Variants in FRRS1 observed in about 807,000 individuals in gnomAD.
The protein encoded by FRRS1 is ferric reductase 1.
FRRS1 carries 51 observed loss-of-function variants against 70.7 expected under a neutral mutation model. That is an observed-to-expected ratio of 0.72 (90% CI 0.58 to 0.91). The LOEUF is 0.91. Among genes scored for constraint, FRRS1 ranks in the 40% least tolerant of loss-of-function variants. The pLI, the probability that FRRS1 is intolerant of heterozygous loss-of-function variation, is 0.00. For missense variants in FRRS1, 672 were observed against 726.0 expected (o/e 0.93, Z 0.86); for synonymous variants, 225 against 238.7 (o/e 0.94, Z 0.53).
rs561065886 is a variant in FRRS1, at chr1:99,754,611, T to C, written c.-105-5610A>G. Among the ~76,000 whole-genome samples, 8 of 152,292 alleles carry C rather than the reference T, an allele frequency of 5.3e-5. No individual in the cohort carries two copies. In the South Asian group the frequency reaches 1.5e-3, roughly 28 times the overall value. On this transcript the variant is annotated intron_variant, in intron 1 of 16. Transcript: ENST00000646001. ...GTCAACTGGATATAATGGATATCCA[T>C]AGACTATTTCATCCAACAACAGAAT... is the stretch of plus-strand genomic sequence containing the variant.
intron 9 of FRRS1, among the ~76,000 whole-genome samples, chr1:99,723,489 C>A (rs755613067): frequency 1.3e-5 from 2 of 152,086 alleles, no homozygotes; most frequent in Non-Finnish European, 2.9e-5. Flanking sequence ...GCACTCCAGC[C>A]TGGGCAACAG....
chr1:99,733,333 C>T (rs2095785), intron 7 of FRRS1, among the ~76,000 whole-genome samples: 75,158 of 152,098 alleles, frequency 0.49, 22,570 homozygotes, highest in African/African-American at 0.85. Flanking sequence ...GAAAGAGGTA[C>T]GTCAAAGATA....
intron 14 of FRRS1, among the ~76,000 whole-genome samples, chr1:99,711,166 C>A (rs921478687): frequency 1.3e-5 from 2 of 152,040 alleles, no homozygotes; most frequent in Non-Finnish European, 2.9e-5. Flanking sequence ...TTGTGGGGGG[C>A]GGTTTAGGGC....
intron 7 of FRRS1, among the ~76,000 whole-genome samples, chr1:99,733,463 AG>A (rs1655494897): frequency 6.6e-6 from 1 of 152,360 alleles, no homozygotes; most frequent in South Asian, 2.1e-4. Flanking sequence ...AATGCATGAA[AG>A]TATGAATGGA....
In FRRS1 at chr1:99,719,573, T is replaced by C. The variant is rs1209586506; in HGVS notation, c.1081A>G (p.Ile361Val). Residue 361 changes from isoleucine to valine, a missense_variant, in exon 10 of 17, where the codon ATA (isoleucine) becomes GTA (valine). Physicochemically the swap from Ile to Val is conservative, Grantham distance 29. Transcript: ENST00000646001. ...KYDVTDSPKN[I>V]GGSHSVLLLK... ...AGGAGTACAGAATGGGATCCTCCTA[T>C]GTTCTTTGGAGAGTCTGTCACATCA... The C allele has an allele frequency of 1.2e-6, 2 of 1,610,206 alleles. No individual in the cohort carries two copies. Among genetic ancestry groups the C allele is most frequent in the Non-Finnish European group, 8.5e-7 (1 of 1,176,610 alleles).
intron 1 of FRRS1, among the ~76,000 whole-genome samples, chr1:99,754,271 G>C (rs1656717109): frequency 6.6e-6 from 1 of 152,196 alleles, no homozygotes; most frequent in Admixed American, 6.5e-5. Flanking sequence ...TTCGAGACCA[G>C]CCTAGGCAAC....
intron 9 of FRRS1, among the ~76,000 whole-genome samples, chr1:99,723,327 G>C (rs966536474): frequency 9.2e-5 from 14 of 152,078 alleles, no homozygotes; most frequent in African/African-American, 3.4e-4. Flanking sequence ...AACAGCCTGG[G>C]CAACATGACG....
intron 1 of FRRS1, among the ~76,000 whole-genome samples, chr1:99,754,495 G>A (rs75846221): frequency 8.9e-6 from 1 of 112,846 alleles, no homozygotes; most frequent in Non-Finnish European, 1.8e-5. Context: ...CAAAGAGAGA[G>A]AGAGAGAGAG....
At position 99,709,023 on chromosome 1, in the gene FRRS1, C is replaced by T. The variant is rs756799060; in HGVS notation, c.*5G>A. The T allele has an allele frequency of 8.1e-6, 13 of 1,613,864 alleles. No individual in the cohort carries two copies. In the South Asian group the frequency reaches 1.4e-4, roughly 18 times the overall value. On this transcript the variant is annotated 3_prime_UTR_variant, in exon 17 of 17. Transcript: ENST00000646001. ...TGGCCTGCAAAAGCCAAGGTCTTTGCTTGCTCATAGATGGTTGATTGCAGA... is the reference window on the plus strand; with the variant it reads ...TGGCCTGCAAAAGCCAAGGTCTTTGTTTGCTCATAGATGGTTGATTGCAGA...
intron 1 of FRRS1, among the ~76,000 whole-genome samples, chr1:99,750,182 G>T (rs776069674): frequency 6.6e-6 from 1 of 152,218 alleles, no homozygotes; most frequent in Non-Finnish European, 1.5e-5. Context: ...ACCTTGAAGC[G>T]GTTGTGAAGT....
At chr1:99,745,680 T>C (rs1420991781) in intron 4 of FRRS1, among the ~76,000 whole-genome samples, 1 of 150,682 alleles carries the variant, frequency 6.6e-6, no homozygotes, top group Non-Finnish European at 1.5e-5. Flanking sequence ...CGAGACTCTG[T>C]CTCTAAATAA....
At chr1:99,739,883 T>TC (rs1655869199) in intron 6 of FRRS1, among the ~76,000 whole-genome samples, 1 of 151,960 alleles carries the variant, frequency 6.6e-6, no homozygotes, top group East Asian at 1.9e-4. Flanking sequence ...TCAACACGTT[T>TC]TTTTTTTATT....
At chr1:99,737,084 T>A (rs1356064354) in intron 7 of FRRS1, among the ~76,000 whole-genome samples, 2 of 152,042 alleles carry the variant, frequency 1.3e-5, no homozygotes, top group Non-Finnish European at 2.9e-5. Flanking sequence ...TTTCTGGTCA[T>A]CCCTATGCCC....
intron 6 of FRRS1, among the ~76,000 whole-genome samples, chr1:99,739,813 G>A (rs538779856): frequency 1.3e-5 from 2 of 151,848 alleles, no homozygotes; most frequent in East Asian, 3.9e-4. Context: ...AAAGACACAC[G>A]AAAATTAGGC....
chr1:99,736,939 T>C (rs1212201166), intron 7 of FRRS1, among the ~76,000 whole-genome samples: 1 of 152,126 alleles, frequency 6.6e-6, no homozygotes, highest in African/African-American at 2.4e-5. Flanking sequence ...CATTAGTTTT[T>C]CTATTACAGC....
Position 99,710,897 on chromosome 1 carries a change from T to A in FRRS1, c.1533A>T (p.Ser511=). 6.2e-7 allele frequency: 1 copy of A among 1,614,026 alleles called. No homozygotes were observed. The highest frequency in any genetic ancestry group is 1.1e-5 in the South Asian group (1 of 91,052). Residue 511 remains serine (S), a synonymous_variant, in exon 15 of 17, where the codon TCA becomes TCT. Transcript: ENST00000646001. ...ATCCGGTCATTGCATAGGTTTTCCA[T>A]GAATCAGGAAGATTCAGTCCTGGTA... ...MDLPGLNLPD[S]WKTYAMTGFV...
Position 99,764,964 on chromosome 1 carries a change from T to C in FRRS1, c.-106+1643A>G, listed in dbSNP as rs1483167596. ...TGTTTTTCTGCCACATTTGGTGACT[T>C]GTCTTTTGGTAAACCTCTGGATATC... On this transcript the variant is annotated intron_variant, in intron 1 of 16. Transcript: ENST00000646001. 2.6e-5 allele frequency among the ~76,000 whole-genome samples: 4 copies of C among 152,242 alleles called. No individual in the cohort carries two copies. In the South Asian group the frequency reaches 6.2e-4, roughly 24 times the overall value.
In FRRS1 at chr1:99,708,475, G is replaced by A. The variant is rs1654099975; in HGVS notation, c.*553C>T. ...TAGCCCGGCATGGTGGCGGGCACCT[G>A]TAGTCCCAGCTACTCAGGAGGCTGA... On this transcript the variant is annotated 3_prime_UTR_variant, in exon 17 of 17. Coordinates refer to ENST00000646001, the MANE Select transcript of FRRS1 (RefSeq NM_001361041.2). 6.7e-6 allele frequency among the ~76,000 whole-genome samples: 1 copy of A among 150,072 alleles called. No individual in the cohort carries two copies. Among genetic ancestry groups the A allele is most frequent in the Non-Finnish European group, 1.5e-5 (1 of 67,346 alleles).
intron 4 of FRRS1, among the ~76,000 whole-genome samples, chr1:99,743,005 G>GA (rs375715463): frequency 1.0e-3 from 149 of 149,694 alleles, no homozygotes; most frequent in Non-Finnish European, 1.5e-3. Context: ...GTAAATAAAT[G>GA]AAAAAAAAAT....
Sources: allele counts gnomAD v4.1 joint callset (sites outside exome capture counted in the v4.1 genomes callset), GRCh38; gene constraint gnomAD v4.1.1; transcripts MANE v1.5; gene names NCBI Gene and HGNC (gene_info 2026-07-23, HGNC 2026-07-21).